The following DEUP1 variants were observed in gnomAD, a reference collection of about 807,000 sequenced individuals.
DEUP1 encodes the protein coiled-coil domain containing 67.
A neutral mutation model predicts 87.4 loss-of-function variants in DEUP1; 82 were observed. The ratio of observed to expected loss-of-function variants is 0.94; its 90% CI spans 0.78 to 1.13. The LOEUF (loss-of-function observed/expected upper bound fraction) is 1.13, where lower values mean the gene tolerates loss of function less well. Ranked by LOEUF, DEUP1 falls within the 50% of genes most tolerant of loss-of-function variation. DEUP1 has a pLI of 0.00. For missense variants in DEUP1, 663 were observed against 681.5 expected (o/e 0.97, Z 0.30); for synonymous variants, 214 against 222.7 (o/e 0.96, Z 0.35).
At chr11:93,345,318 T>C (rs761584573) in intron 2 of DEUP1, among the ~76,000 whole-genome samples, 1 of 152,336 alleles carries the variant, frequency 6.6e-6, no homozygotes, top group African/African-American at 2.4e-5. Context: ...GCAGTGAACA[T>C]AACATGTGCA....
At chr11:93,374,067 C>A (rs1209937966) in intron 7 of DEUP1, among the ~76,000 whole-genome samples, 1 of 151,978 alleles carries the variant, frequency 6.6e-6, no homozygotes, top group Admixed American at 6.6e-5. Flanking sequence ...TGTTTGTTGG[C>A]CATTTGTATA....
At chr11:93,409,477 C>T (rs1200581770) in intron 12 of DEUP1, among the ~76,000 whole-genome samples, 1 of 152,176 alleles carries the variant, frequency 6.6e-6, no homozygotes, top group East Asian at 1.9e-4. Flanking sequence ...TACAATATTT[C>T]TCAGAGCCAT....
In DEUP1 at chr11:93,332,197, A is replaced by G; in HGVS notation, c.-44-19A>G. The G allele has an allele frequency of 1.4e-6, 2 of 1,450,090 alleles. No individual in the cohort carries two copies. The highest frequency in any genetic ancestry group is 2.4e-5 in the East Asian group (1 of 42,374). 89.8% of individuals were successfully genotyped at this position (1,450,090 alleles called of 1,614,324 possible). On this transcript the variant is annotated intron_variant, in intron 1 of 13. Transcript: ENST00000298050. ...GAATATAAACATTTTAGGAACTTGT[A>G]TCATTTTCCTCCTAACAGATTAAAA... is the stretch of plus-strand genomic sequence containing the variant.
intron 2 of DEUP1, among the ~76,000 whole-genome samples, chr11:93,337,946 A>G (rs905877114): frequency 7.3e-6 from 1 of 137,292 alleles, no homozygotes; most frequent in Admixed American, 7.3e-5. Context: ...GTAGATATGT[A>G]CATCAGGTGC....
At chr11:93,430,123 C>G (rs1288651080) in intron 13 of DEUP1, among the ~76,000 whole-genome samples, 1 of 152,154 alleles carries the variant, frequency 6.6e-6, no homozygotes, top group African/African-American at 2.4e-5. Flanking sequence ...TGACACTATA[C>G]TCCGCTGATT....
At chr11:93,355,824 A>G (rs1427594785) in intron 3 of DEUP1, among the ~76,000 whole-genome samples, 1 of 152,226 alleles carries the variant, frequency 6.6e-6, no homozygotes, top group African/African-American at 2.4e-5. Flanking sequence ...ATTGTTTGCA[A>G]GTAAAGATGT....
At chr11:93,353,360 G>A (rs976438328) in intron 2 of DEUP1, among the ~76,000 whole-genome samples, 2 of 152,188 alleles carry the variant, frequency 1.3e-5, no homozygotes, top group African/African-American at 4.8e-5. Flanking sequence ...GCAGGGCACA[G>A]CCTCCCTCCA....
At chr11:93,342,233 C>T (rs1007583327) in intron 2 of DEUP1, among the ~76,000 whole-genome samples, 2 of 152,154 alleles carry the variant, frequency 1.3e-5, no homozygotes, top group East Asian at 3.8e-4. Context: ...TACCGGCTAC[C>T]ACTGTGGGTG....
chr11:93,338,293 T>C (rs559777869), intron 2 of DEUP1, among the ~76,000 whole-genome samples: 25 of 151,456 alleles, frequency 1.7e-4, no homozygotes, highest in Non-Finnish European at 3.2e-4. Context: ...TATAACACTA[T>C]AGGCCAGCGT....
At chr11:93,399,141 A>G (rs370827844) in intron 11 of DEUP1, among the ~76,000 whole-genome samples, 12 of 151,860 alleles carry the variant, frequency 7.9e-5, no homozygotes, top group African/African-American at 2.7e-4. Context: ...ATAGCTTCTG[A>G]GTTTCCTTCC....
chr11:93,430,257 A>G (rs1183629235), intron 13 of DEUP1, among the ~76,000 whole-genome samples: 1 of 152,142 alleles, frequency 6.6e-6, no homozygotes, highest in African/African-American at 2.4e-5. Context: ...AGCACCAACT[A>G]TATGGCAGTT....
At chr11:93,338,037 A>C (rs1943861418) in intron 2 of DEUP1, among the ~76,000 whole-genome samples, 1 of 152,180 alleles carries the variant, frequency 6.6e-6, no homozygotes, top group Admixed American at 6.5e-5. Flanking sequence ...GTGAGCCTCT[A>C]ATCAGAGCAC....
At chr11:93,344,301 A>G (rs1311260014) in intron 2 of DEUP1, among the ~76,000 whole-genome samples, 1 of 152,190 alleles carries the variant, frequency 6.6e-6, no homozygotes, top group Non-Finnish European at 1.5e-5. Context: ...GCCACCAAGA[A>G]AAGTTAAATT....
intron 13 of DEUP1, among the ~76,000 whole-genome samples, chr11:93,415,519 A>G (rs1947588338): frequency 6.7e-6 from 1 of 149,624 alleles, no homozygotes; most frequent in African/African-American, 2.6e-5. Flanking sequence ...ACACAGGTAC[A>G]AATCATAAAT....
intron 13 of DEUP1, among the ~76,000 whole-genome samples, chr11:93,431,138 G>C (rs1265592049): frequency 6.7e-6 from 1 of 150,202 alleles, no homozygotes; most frequent in Non-Finnish European, 1.5e-5. Flanking sequence ...ATATCAAATA[G>C]TGATAAATGC....
At chr11:93,360,917 A>C (rs1484984341) in intron 4 of DEUP1, among the ~76,000 whole-genome samples, 1 of 151,494 alleles carries the variant, frequency 6.6e-6, no homozygotes, top group East Asian at 1.9e-4. Flanking sequence ...AAAAAAAAAA[A>C]AAAAAAAGTA....
chr11:93,371,231 A>G lies in DEUP1; in HGVS notation c.740A>G (p.Glu247Gly), dbSNP rs1022279472. The part of the protein sequence containing the change: ...IALSRNKLQD[E>G]NQKLLQELKM... Reference sequence around the variant, plus strand: ...CTAAGCAGGAATAAATTACAAGATGAAAATCAGAAGCTCTTGCAAGAACTG... The same window carrying G: ...CTAAGCAGGAATAAATTACAAGATGGAAATCAGAAGCTCTTGCAAGAACTG... The change falls in exon 7 of 14, where the codon GAA becomes GGA. Residue 247 changes from glutamate (E) to glycine (G), a missense_variant. Coordinates refer to ENST00000298050, the MANE Select transcript of DEUP1 (RefSeq NM_181645.4). 6.2e-7 allele frequency: 1 copy of G among 1,613,378 alleles called. No homozygotes were observed. The highest frequency in any genetic ancestry group is 1.3e-5 in the African/African-American group (1 of 75,028).
intron 13 of DEUP1, among the ~76,000 whole-genome samples, chr11:93,417,851 T>G (rs1481335809): frequency 7.2e-5 from 11 of 152,204 alleles, no homozygotes; most frequent in African/African-American, 2.2e-4. Context: ...CAATGGAACA[T>G]AACAGAGCCC....
rs560842363 is a variant in DEUP1 at position 93,371,218 on chromosome 11, A to C, written c.727A>C (p.Lys243Gln). The C allele has an allele frequency of 3.7e-6, 6 of 1,613,378 alleles. No individual in the cohort carries two copies. In the East Asian group the frequency reaches 8.9e-5, roughly 24 times the overall value. ...AAATGAGATAGCACTAAGCAGGAAT[A>C]AATTACAAGATGAAAATCAGAAGCT... ...AVNEIALSRN[K>Q]LQDENQKLLQ... Residue 243 changes from lysine (K) to glutamine (Q), a missense_variant, in exon 7 of 14, where the codon AAA becomes CAA. Physicochemically the swap from Lys to Gln is moderately conservative, Grantham distance 53. Transcript: ENST00000298050.
Sources: gnomAD v4.1 joint callset for allele counts (sites outside exome capture counted in the v4.1 genomes callset) on GRCh38, gnomAD v4.1.1 for gene constraint, MANE v1.5 for transcripts, NCBI Gene and HGNC (gene_info 2026-07-23, HGNC 2026-07-21) for gene names.